Variants in EPHB1 observed in about 807,000 individuals in gnomAD.
The protein encoded by EPHB1 is EPH receptor B1.
EPHB1 carries 30 observed loss-of-function variants against 94.4 expected under a neutral mutation model. The observed-to-expected ratio is 0.32, with a 90% CI of 0.24 to 0.43. The LOEUF (loss-of-function observed/expected upper bound fraction) is 0.43, where lower values mean the gene tolerates loss of function less well. Among genes scored for constraint, EPHB1 ranks in the 20% least tolerant of loss-of-function variants. The pLI, the probability that EPHB1 is intolerant of heterozygous loss-of-function variation, is 1.00. For synonymous variants in EPHB1, 522 were observed against 489.1 expected (o/e 1.07, Z -0.89); for missense variants, 1,055 against 1,308.3 (o/e 0.81, Z 2.99).
intron 1 of EPHB1, among the ~76,000 whole-genome samples, chr3:134,914,977 G>A (rs2038536325): frequency 6.6e-6 from 1 of 152,098 alleles, no homozygotes; most frequent in Non-Finnish European, 1.5e-5. Context: ...GGAAGAGAAG[G>A]GTAGAGAGTG....
intron 4 of EPHB1, among the ~76,000 whole-genome samples, chr3:135,123,479 AT>A (rs1368037408): frequency 2.0e-5 from 3 of 152,120 alleles, no homozygotes; most frequent in African/African-American, 4.8e-5. Flanking sequence ...AGGACCCAAA[AT>A]TGGTCATTTG....
chr3:134,957,234 G>A (rs36132), intron 3 of EPHB1, among the ~76,000 whole-genome samples: 25,667 of 152,100 alleles, frequency 0.17, 2,562 homozygotes, highest in African/African-American at 0.28. Flanking sequence ...GATAAGTCTC[G>A]TATATGGCCC....
chr3:135,032,090 T>C (rs1936491303), intron 3 of EPHB1, among the ~76,000 whole-genome samples: 3 of 152,144 alleles, frequency 2.0e-5, no homozygotes, highest in African/African-American at 7.2e-5. Flanking sequence ...ACTCATTGCC[T>C]GGGTACTGCA....
At chr3:134,875,087 T>C (rs987903470) in intron 1 of EPHB1, among the ~76,000 whole-genome samples, 1 of 152,182 alleles carries the variant, frequency 6.6e-6, no homozygotes, top group Non-Finnish European at 1.5e-5. Flanking sequence ...GGAACTCATC[T>C]CTGAAGGAAC....
At chr3:135,164,901 A>T (rs1006943384) in intron 7 of EPHB1, among the ~76,000 whole-genome samples, 2 of 152,134 alleles carry the variant, frequency 1.3e-5, no homozygotes, top group Non-Finnish European at 2.9e-5. Flanking sequence ...GACAAACAAA[A>T]ATTATGTTTT....
rs371444394 is a variant in EPHB1 at position 134,947,763 on chromosome 3, C to T, written c.124-3608C>T. Among the ~76,000 whole-genome samples the T allele has an allele frequency of 2.6e-4, 40 of 152,258 alleles. No homozygotes were observed. The South Asian group carries it at 8.1e-3, about 31-fold the overall frequency. On this transcript the variant is annotated intron_variant, in intron 2 of 15. Coordinates refer to ENST00000398015, the MANE Select transcript of EPHB1 (RefSeq NM_004441.5). ...GATAAATTTTCTCAATATCTCAGCT[C>T]CCATAGGAGAGTAGAAATCCTCATG...
chr3:134,991,576 A>G (rs1993503), intron 3 of EPHB1, among the ~76,000 whole-genome samples: 15 of 152,296 alleles, frequency 9.8e-5, no homozygotes, highest in African/African-American at 3.4e-4. Context: ...GGTCTAGAGG[A>G]ATTTCTCAGA....
At chr3:135,066,096 G>A (rs1018406256) in intron 3 of EPHB1, among the ~76,000 whole-genome samples, 1 of 152,140 alleles carries the variant, frequency 6.6e-6, no homozygotes. Context: ...TTCCTTTATA[G>A]CTTACCTGGT....
chr3:135,052,744 C>G (rs1399640476), intron 3 of EPHB1, among the ~76,000 whole-genome samples: 1 of 148,160 alleles, frequency 6.7e-6, no homozygotes, highest in Non-Finnish European at 1.5e-5. Flanking sequence ...ACCTGTAGTC[C>G]CAGCTACTCG....
At chr3:134,953,755 T>C (rs1410378341) in intron 3 of EPHB1, among the ~76,000 whole-genome samples, 2 of 152,228 alleles carry the variant, frequency 1.3e-5, no homozygotes, top group African/African-American at 4.8e-5. Flanking sequence ...TCTGATTTAA[T>C]TGGGTCTCTG....
At chr3:134,913,147 G>A (rs1467718325) in intron 1 of EPHB1, among the ~76,000 whole-genome samples, 1 of 152,166 alleles carries the variant, frequency 6.6e-6, no homozygotes, top group Non-Finnish European at 1.5e-5. Context: ...CCGTCCATCA[G>A]TGAACCATAT....
chr3:134,844,711 T>C lies in EPHB1; in HGVS notation c.58+49022T>C, dbSNP rs150905899. ...TGCCACAGGTACCCACTATTCTTAC[T>C]CAAACTCCCGTCTTTGATACATAAA... On this transcript the variant is annotated intron_variant, in intron 1 of 15. Transcript: ENST00000398015. Among the ~76,000 whole-genome samples, 373 of 152,336 alleles carry C rather than the reference T, an allele frequency of 2.4e-3. 2 individuals carry two copies. The highest frequency in any genetic ancestry group is 0.015 in the Admixed American group (231 of 15,302).
At chr3:135,241,355 G>A in intron 13 of EPHB1, 58 bp downstream of exon 13, 5 of 1,601,190 alleles carry the variant, frequency 3.1e-6, no homozygotes, top group Non-Finnish European at 3.4e-6. Context: ...CCCAAAGGCA[G>A]TAGCATACCA....
intron 1 of EPHB1, among the ~76,000 whole-genome samples, chr3:134,905,893 C>G (rs934779590): frequency 2.0e-5 from 3 of 152,186 alleles, no homozygotes; most frequent in Admixed American, 2.0e-4. Flanking sequence ...GCCCCCTTTG[C>G]CCATCTGCTA....
At chr3:135,078,834 G>A (rs1345030622) in intron 3 of EPHB1, among the ~76,000 whole-genome samples, 1 of 152,184 alleles carries the variant, frequency 6.6e-6, no homozygotes, top group African/African-American at 2.4e-5. Context: ...TTTTGTGCAC[G>A]TACTATGTGC....
intron 1 of EPHB1, among the ~76,000 whole-genome samples, chr3:134,902,323 G>A (rs528172180): frequency 6.6e-6 from 1 of 152,120 alleles, no homozygotes; most frequent in Non-Finnish European, 1.5e-5. Flanking sequence ...GTCCAGGAGG[G>A]TGTACAAGTT....
At chr3:135,217,647 C>G (rs1943186380) in intron 12 of EPHB1, among the ~76,000 whole-genome samples, 1 of 152,124 alleles carries the variant, frequency 6.6e-6, no homozygotes, top group African/African-American at 2.4e-5. Flanking sequence ...GAGTAGGCAC[C>G]AGGTAATAGC....
intron 3 of EPHB1, among the ~76,000 whole-genome samples, chr3:135,003,799 T>G (rs1383091443): frequency 5.3e-5 from 8 of 152,030 alleles, no homozygotes. Context: ...TTTTTTTGTT[T>G]TCCATTTGCT....
At chr3:134,977,158 G>C (rs888130391) in intron 3 of EPHB1, among the ~76,000 whole-genome samples, 7 of 152,170 alleles carry the variant, frequency 4.6e-5, no homozygotes, top group Admixed American at 1.3e-4. Flanking sequence ...ATGTACACTA[G>C]AGGAGGCACT....
Sources: allele counts gnomAD v4.1 joint callset (sites outside exome capture counted in the v4.1 genomes callset), GRCh38; gene constraint gnomAD v4.1.1; transcripts MANE v1.5; gene names NCBI Gene and HGNC (gene_info 2026-07-23, HGNC 2026-07-21).